DLG2: variants seen among roughly 807,000 people sequenced by gnomAD.
The protein encoded by DLG2 is disks large homolog 2.
A neutral mutation model predicts 132.5 loss-of-function variants in DLG2; 45 were observed. The observed-to-expected ratio is 0.34, with a 90% confidence interval of 0.27 to 0.44. The LOEUF (loss-of-function observed/expected upper bound fraction) is 0.44, where lower values mean the gene tolerates loss of function less well. Ranked by LOEUF, DLG2 falls within the 20% of genes least tolerant of loss-of-function variation. DLG2 has a pLI of 1.00. For missense variants in DLG2, 1,045 were observed against 1,196.9 expected (o/e 0.87, Z 1.87); for synonymous variants, 424 against 419.6 (o/e 1.01, Z -0.13).
upstream of DLG2, among the ~76,000 whole-genome samples, chr11:85,628,105 G>C (rs2082114155): frequency 6.6e-6 from 1 of 152,196 alleles, no homozygotes. Context: ...TGAGAGGAGA[G>C]GAGGCTAGTC....
chr11:84,390,869 G>A (rs576081889), intron 7 of DLG2, among the ~76,000 whole-genome samples: 51 of 152,220 alleles, frequency 3.4e-4, no homozygotes, highest in Middle Eastern at 6.8e-3. Context: ...ATGCTGGTGC[G>A]GCAGCAGGGC....
chr11:84,207,120 C>A (rs1012515284), intron 8 of DLG2, among the ~76,000 whole-genome samples: 1 of 151,400 alleles, frequency 6.6e-6, no homozygotes, highest in Non-Finnish European at 1.5e-5. Flanking sequence ...TACTCCTACA[C>A]TGAAAATTAC....
chr11:84,639,365 T>G (rs1431156711), intron 6 of DLG2, among the ~76,000 whole-genome samples: 4 of 133,372 alleles, frequency 3.0e-5, no homozygotes, highest in South Asian at 2.5e-4. Flanking sequence ...TTTTTTTTTT[T>G]GTCTGAAAGT....
chr11:84,469,997 T>A lies in DLG2; in HGVS notation c.519+64573A>T, dbSNP rs556964188. Among the ~76,000 whole-genome samples, 109 of 151,724 alleles carry A rather than the reference T, an allele frequency of 7.2e-4. 1 individual carries two copies. The highest frequency in any genetic ancestry group is 1.2e-3 in the Non-Finnish European group (83 of 67,792). On this transcript the variant is annotated intron_variant, in intron 7 of 27. Transcript: ENST00000376104. ...TTCTAGGCTGTAAACCTGTACAGCATGTTACTGTACTGAATACTGTAGGCA... is the reference window on the plus strand; with the variant it reads ...TTCTAGGCTGTAAACCTGTACAGCAAGTTACTGTACTGAATACTGTAGGCA...
intron 6 of DLG2, among the ~76,000 whole-genome samples, chr11:84,872,628 T>C (rs1164090220): frequency 6.6e-6 from 1 of 152,208 alleles, no homozygotes; most frequent in Non-Finnish European, 1.5e-5. Flanking sequence ...AAAGTTGAGT[T>C]GGATGTGCTT....
chr11:84,105,470 C>T (rs553232321), intron 9 of DLG2, among the ~76,000 whole-genome samples: 2 of 152,244 alleles, frequency 1.3e-5, no homozygotes, highest in Non-Finnish European at 1.5e-5. Context: ...ATGCATAGCA[C>T]TGTTTAAAGG....
At chr11:84,273,183 A>T (rs372107201) in intron 7 of DLG2, 1 of 1,567,868 alleles carries the variant, frequency 6.4e-7, no homozygotes, top group Non-Finnish European at 8.6e-7. Context: ...GCTTGTTCAC[A>T]TTGTTTTAAG....
At chr11:85,624,673 A>G (rs2081943461) in intron 2 of DLG2, among the ~76,000 whole-genome samples, 1 of 152,242 alleles carries the variant, frequency 6.6e-6, no homozygotes, top group African/African-American at 2.4e-5. Flanking sequence ...ATATTCAAGA[A>G]TATGTATCAT....
chr11:84,643,331 T>C (rs2099670458), intron 6 of DLG2, among the ~76,000 whole-genome samples: 1 of 152,210 alleles, frequency 6.6e-6, no homozygotes, highest in Admixed American at 6.5e-5. Context: ...AATGCAGTTT[T>C]TGTAACTTCT....
intron 6 of DLG2, among the ~76,000 whole-genome samples, chr11:84,671,426 G>C (rs564387538): frequency 1.6e-4 from 24 of 152,154 alleles, no homozygotes; most frequent in African/African-American, 5.8e-4. Flanking sequence ...CTTGACCCCA[G>C]AGCAGCAGTT....
intron 9 of DLG2, among the ~76,000 whole-genome samples, chr11:84,162,250 A>C (rs1038532767): frequency 5.1e-4 from 78 of 152,076 alleles, no homozygotes; most frequent in Non-Finnish European, 4.7e-4. Flanking sequence ...AATCCTTAAC[A>C]GGAGTTAGCC....
intron 3 of DLG2, among the ~76,000 whole-genome samples, chr11:85,509,004 T>C (rs1430482637): frequency 6.6e-6 from 1 of 152,092 alleles, no homozygotes; most frequent in African/African-American, 2.4e-5. Flanking sequence ...GCTGCAACTT[T>C]CATTGTTTCC....
intron 5 of DLG2, among the ~76,000 whole-genome samples, chr11:85,127,258 CTCTT>C (rs1318633629): frequency 2.7e-5 from 3 of 111,984 alleles, no homozygotes; most frequent in Admixed American, 2.4e-4. Flanking sequence ...CACCCACTCT[CTCTT>C]TCTATCTCTC....
chr11:83,776,868 G>C (rs1444334891), intron 18 of DLG2, among the ~76,000 whole-genome samples: 1 of 152,220 alleles, frequency 6.6e-6, no homozygotes, highest in Non-Finnish European at 1.5e-5. Flanking sequence ...CTAGGTCAGA[G>C]CTTTTGTTTG....
At chr11:84,898,385 T>C (rs1175255179) in intron 6 of DLG2, among the ~76,000 whole-genome samples, 2 of 151,948 alleles carry the variant, frequency 1.3e-5, no homozygotes, top group Admixed American at 6.6e-5. Flanking sequence ...GCTTTTTTCG[T>C]TAGCTACCAT....
At chr11:83,615,685 T>C (rs1190980285) in intron 19 of DLG2, among the ~76,000 whole-genome samples, 1 of 152,172 alleles carries the variant, frequency 6.6e-6, no homozygotes, top group African/African-American at 2.4e-5. Context: ...GCACTCAACT[T>C]GCAATTGTTG....
At chr11:84,668,123 G>A (rs1163959435) in intron 6 of DLG2, among the ~76,000 whole-genome samples, 2 of 152,072 alleles carry the variant, frequency 1.3e-5, no homozygotes, top group Non-Finnish European at 2.9e-5. Context: ...CATTTCGAAT[G>A]AAGTGCTTTC....
At chr11:84,372,464 T>C (rs768447046) in intron 7 of DLG2, among the ~76,000 whole-genome samples, 5 of 152,202 alleles carry the variant, frequency 3.3e-5, no homozygotes, top group African/African-American at 1.2e-4. Flanking sequence ...GCTTTCAGTG[T>C]CTTTGCCCTA....
chr11:85,362,325 T>C (rs2084220101), intron 3 of DLG2, among the ~76,000 whole-genome samples: 1 of 152,186 alleles, frequency 6.6e-6, no homozygotes, highest in Admixed American at 6.5e-5. Context: ...AATATGTCCC[T>C]AGGTTTTGTT....
Sources: gnomAD v4.1 joint callset for allele counts (sites outside exome capture counted in the v4.1 genomes callset) on GRCh38, gnomAD v4.1.1 for gene constraint, MANE v1.5 for transcripts, NCBI Gene and HGNC (gene_info 2026-07-23, HGNC 2026-07-21) for gene names.